The following MYO1D variants were observed in gnomAD, a reference collection of about 807,000 sequenced individuals.
MYO1D encodes myosin ID.
Under a neutral mutation model 122.0 loss-of-function variants are expected in MYO1D, and 83 were observed. The observed-to-expected ratio is 0.68, with a 90% CI of 0.57 to 0.82. The LOEUF is 0.82. MYO1D is among the 40% of genes least tolerant of loss of function. The probability of loss-of-function intolerance (pLI) is 0.00; values close to 1 mark genes in which losing one functional copy is unlikely to be tolerated. For missense variants in MYO1D, 1,157 were observed against 1,269.5 expected (o/e 0.91, Z 1.35); for synonymous variants, 464 against 446.9 (o/e 1.04, Z -0.48).
At chr17:32,581,761 G>A (rs1413118482) in intron 21 of MYO1D, among the ~76,000 whole-genome samples, 3 of 151,794 alleles carry the variant, frequency 2.0e-5, no homozygotes, top group African/African-American at 4.8e-5. Flanking sequence ...GTGTGTGTGT[G>A]TGTGTGTATG....
intron 16 of MYO1D, among the ~76,000 whole-genome samples, chr17:32,694,149 C>T (rs1054367770): frequency 6.6e-6 from 1 of 152,146 alleles, no homozygotes; most frequent in African/African-American, 2.4e-5. Context: ...GGAAAATTAA[C>T]GCTTCTTAGT....
At chr17:32,746,166 T>C (rs2089836129) in intron 12 of MYO1D, among the ~76,000 whole-genome samples, 1 of 152,236 alleles carries the variant, frequency 6.6e-6, no homozygotes, top group Non-Finnish European at 1.5e-5. Context: ...CTTCAGGCTG[T>C]GCTGCCCATG....
chr17:32,612,465 T>A (rs1001268050), intron 20 of MYO1D, among the ~76,000 whole-genome samples: 1 of 151,618 alleles, frequency 6.6e-6, no homozygotes, highest in African/African-American at 2.4e-5. Context: ...GACAGGAGGA[T>A]CACTTGAGGC....
chr17:32,538,379 G>C (rs1194763846), intron 21 of MYO1D, among the ~76,000 whole-genome samples: 1 of 151,654 alleles, frequency 6.6e-6, no homozygotes, highest in South Asian at 2.1e-4. Context: ...TGAGCTCCTG[G>C]GCTCAAGTGA....
chr17:32,508,015 G>C (rs1431671741), intron 21 of MYO1D, among the ~76,000 whole-genome samples: 2 of 151,038 alleles, frequency 1.3e-5, no homozygotes, highest in Admixed American at 1.3e-4. Context: ...TCCTGCCTCA[G>C]CCTCCTGAGT....
intron 12 of MYO1D, 51 bp downstream of exon 12, chr17:32,748,885 T>C (rs2089868404): frequency 6.7e-6 from 10 of 1,503,068 alleles, no homozygotes; most frequent in Non-Finnish European, 9.2e-6. Flanking sequence ...TTGTATTTTC[T>C]AAAGTGAGGC....
chr17:32,623,473 T>C (rs2087880024), intron 20 of MYO1D, among the ~76,000 whole-genome samples: 1 of 152,082 alleles, frequency 6.6e-6, no homozygotes, highest in Admixed American at 6.6e-5. Context: ...TGAGACAATA[T>C]ATGCAGAGGT....
chr17:32,802,348 T>G (rs1567649067), intron 1 of MYO1D, among the ~76,000 whole-genome samples: 2 of 152,244 alleles, frequency 1.3e-5, no homozygotes, highest in Non-Finnish European at 2.9e-5. Context: ...CAGAGACAAA[T>G]AGTTTCAATT....
chr17:32,687,509 T>G (rs2089035235), intron 16 of MYO1D, among the ~76,000 whole-genome samples: 1 of 151,904 alleles, frequency 6.6e-6, no homozygotes, highest in Non-Finnish European at 1.5e-5. Context: ...GCCTGGCTAA[T>G]TTTTAAAATT....
At chr17:32,681,125 A>G in intron 16 of MYO1D, among the ~76,000 whole-genome samples, 1 of 151,490 alleles carries the variant, frequency 6.6e-6, no homozygotes, top group Non-Finnish European at 1.5e-5. Flanking sequence ...TATTGTGTCT[A>G]TTTGATTCTT....
intron 21 of MYO1D, among the ~76,000 whole-genome samples, chr17:32,521,836 C>T (rs1910149499): frequency 1.3e-5 from 2 of 152,122 alleles, no homozygotes. Context: ...GTAATCCCCG[C>T]ACTTTGGGAG....
chr17:32,855,337 C>T (rs1439749602), intron 1 of MYO1D, among the ~76,000 whole-genome samples: 3 of 152,174 alleles, frequency 2.0e-5, no homozygotes, highest in African/African-American at 4.8e-5. Flanking sequence ...TGTCCCCTCT[C>T]TCTTCTCCAA....
chr17:32,719,795 A>G (rs1409285042), intron 15 of MYO1D, among the ~76,000 whole-genome samples: 1 of 152,224 alleles, frequency 6.6e-6, no homozygotes, highest in African/African-American at 2.4e-5. Context: ...TAAATAGTTT[A>G]GTCTGATTAC....
intron 1 of MYO1D, among the ~76,000 whole-genome samples, chr17:32,854,153 C>A (rs971052400): frequency 5.3e-5 from 8 of 152,186 alleles, no homozygotes; most frequent in Non-Finnish European, 1.0e-4. Flanking sequence ...AAAATAAAAT[C>A]TCCTTTTCAC....
chr17:32,759,673 T>C (rs1314612022), intron 10 of MYO1D: 2 of 157,528 alleles, frequency 1.3e-5, no homozygotes, highest in Admixed American at 6.5e-5. Flanking sequence ...CTTTTAGCTT[T>C]GATCTCTGTG....
chr17:32,861,355 C>T lies in MYO1D; in HGVS notation c.95+15423G>A, dbSNP rs147168153. On this transcript the variant is annotated intron_variant, in intron 1 of 21. Coordinates refer to ENST00000318217, the MANE Select transcript of MYO1D (RefSeq NM_015194.3). ...TGCTAGGATTACAGGTGTGAGCCAC[C>T]GCACCTGGCCTGTATTTATTCTTAG... Among the ~76,000 whole-genome samples the T allele has an allele frequency of 7.2e-3, 1,093 of 152,122 alleles. 10 individuals are homozygous for T. Among genetic ancestry groups the T allele is most frequent in the Non-Finnish European group, 0.013 (853 of 67,990 alleles).
chr17:32,745,992 A>G (rs905760040), intron 12 of MYO1D, among the ~76,000 whole-genome samples: 1 of 152,220 alleles, frequency 6.6e-6, no homozygotes, highest in Non-Finnish European at 1.5e-5. Context: ...GGTGATTAAG[A>G]CAGAGGCTAG....
Position 32,719,351 on chromosome 17 carries a change from C to T in MYO1D, c.1913+1672G>A, listed in dbSNP as rs1598037181. ...TAGCATCCTTAAACATCTCCTTGCC[C>T]TTTTTTTTTTTTTTTTGAGACGGAG... On this transcript the variant is annotated intron_variant, in intron 15 of 21. Transcript: ENST00000318217. 5.1e-5 allele frequency among the ~76,000 whole-genome samples: 7 copies of T among 137,174 alleles called. No homozygotes were observed. The South Asian group carries it at 1.2e-3, about 23-fold the overall frequency. The allele number at this position is 137,174 out of a possible 152,430, so 90.0% of individuals were successfully genotyped here. A position where few individuals can be genotyped will look rare whatever the true frequency, so the allele number is the denominator to read the frequency against.
chr17:32,501,120 C>G (rs1909304887), intron 21 of MYO1D, among the ~76,000 whole-genome samples: 1 of 151,990 alleles, frequency 6.6e-6, no homozygotes, highest in African/African-American at 2.4e-5. Flanking sequence ...CCCAAAAGAA[C>G]TGAGAACAGA....
Sources: allele counts gnomAD v4.1 joint callset (sites outside exome capture counted in the v4.1 genomes callset), GRCh38; gene constraint gnomAD v4.1.1; transcripts MANE v1.5; gene names NCBI Gene and HGNC (gene_info 2026-07-23, HGNC 2026-07-21).